The following ARB2A variants were observed in gnomAD, a reference collection of about 807,000 sequenced individuals.
ARB2A encodes the protein cotranscriptional regulator ARB2A.
chr5:93,846,427 A>G, the ARB2A span, among the ~76,000 whole-genome samples: 1 of 151,650 alleles, frequency 6.6e-6, no homozygotes, highest in South Asian at 2.1e-4. Flanking sequence ...GCTTGAGCCC[A>G]GGAATTCCAG....
At chr5:93,627,656 G>A in the ARB2A span, among the ~76,000 whole-genome samples, 1 of 152,012 alleles carries the variant, frequency 6.6e-6, no homozygotes, top group Non-Finnish European at 1.5e-5. Flanking sequence ...TGGTCAGGCT[G>A]GTCTTGAACT....
chr5:93,652,353 TA>T, the ARB2A span, among the ~76,000 whole-genome samples: 1 of 152,218 alleles, frequency 6.6e-6, no homozygotes, highest in Admixed American at 6.5e-5. Flanking sequence ...TCATTTTTAA[TA>T]ATCAGAATAA....
chr5:93,642,483 TACCTC>T, the ARB2A span, among the ~76,000 whole-genome samples: 1 of 152,144 alleles, frequency 6.6e-6, no homozygotes, highest in Non-Finnish European at 1.5e-5. Context: ...GTGATTCTCT[TACCTC>T]AGCCTCCCAA....
At chr5:93,910,565 G>A in the ARB2A span, 2 of 151,192 alleles carry the variant, frequency 1.3e-5, no homozygotes, top group African/African-American at 2.4e-5. Flanking sequence ...AGTAACAAAA[G>A]ATTTTAACAA....
At chr5:93,641,840 T>G in the ARB2A span, among the ~76,000 whole-genome samples, 1 of 152,118 alleles carries the variant, frequency 6.6e-6, no homozygotes, top group South Asian at 2.1e-4. Flanking sequence ...AAAAAGCATG[T>G]GGGATCACAT....
chr5:93,994,993 C>T, the ARB2A span, among the ~76,000 whole-genome samples: 1 of 151,792 alleles, frequency 6.6e-6, no homozygotes, highest in Admixed American at 6.6e-5. Flanking sequence ...TTATCATTTA[C>T]TACCATAAAA....
chr5:93,873,493 T>TG, the ARB2A span, among the ~76,000 whole-genome samples: 1 of 152,054 alleles, frequency 6.6e-6, no homozygotes, highest in Non-Finnish European at 1.5e-5. Flanking sequence ...AAATCTACTG[T>TG]GTTTACTAGG....
At chr5:93,734,951 T>A in the ARB2A span, 1 of 152,160 alleles carries the variant, frequency 6.6e-6, no homozygotes, top group African/African-American at 2.4e-5. Context: ...GAGACGGGGT[T>A]TCACCATGTT....
the ARB2A span, among the ~76,000 whole-genome samples, chr5:93,802,500 G>C: frequency 6.6e-6 from 1 of 151,914 alleles, no homozygotes; most frequent in Non-Finnish European, 1.5e-5. Flanking sequence ...AAAAGTACAA[G>C]GCAAGAAAAA....
the ARB2A span, among the ~76,000 whole-genome samples, chr5:93,692,928 T>G: frequency 6.6e-6 from 1 of 152,182 alleles, no homozygotes; most frequent in African/African-American, 2.4e-5. Context: ...ACATGGAAAC[T>G]GAACAACCTG....
the ARB2A span, among the ~76,000 whole-genome samples, chr5:93,724,012 C>T: frequency 2.0e-4 from 30 of 151,980 alleles, no homozygotes; most frequent in African/African-American, 5.5e-4. Context: ...AATAGCTTCA[C>T]GTATAAGAAT....
the ARB2A span, among the ~76,000 whole-genome samples, chr5:94,084,923 A>G: frequency 1.2e-4 from 18 of 152,358 alleles, no homozygotes; most frequent in South Asian, 4.1e-4. Flanking sequence ...CTCTTAGGGA[A>G]AAATACAGGA....
At chr5:93,924,723 C>T in the ARB2A span, among the ~76,000 whole-genome samples, 4 of 152,216 alleles carry the variant, frequency 2.6e-5, no homozygotes, top group South Asian at 8.3e-4. Context: ...TGTTGAATGA[C>T]TTGTTCAGTA....
chr5:93,878,895 T>C, the ARB2A span, among the ~76,000 whole-genome samples: 4 of 152,042 alleles, frequency 2.6e-5, no homozygotes, highest in South Asian at 2.1e-4. Context: ...TTTCAACAAG[T>C]AGATTTATTA....
At chr5:93,918,634 C>A in the ARB2A span, among the ~76,000 whole-genome samples, 1 of 151,922 alleles carries the variant, frequency 6.6e-6, no homozygotes, top group Non-Finnish European at 1.5e-5. Context: ...GTTGGCCAGG[C>A]TGGCTTCAAA....
At chr5:93,769,027 T>A in the ARB2A span, among the ~76,000 whole-genome samples, 1 of 152,144 alleles carries the variant, frequency 6.6e-6, no homozygotes, top group South Asian at 2.1e-4. Flanking sequence ...AAGTTAAAAT[T>A]TTAAATTTTA....
the ARB2A span, among the ~76,000 whole-genome samples, chr5:93,681,708 C>A: frequency 6.6e-6 from 1 of 151,946 alleles, no homozygotes; most frequent in African/African-American, 2.4e-5. Context: ...ATAAGTTCAC[C>A]GAGGCCAGGC....
chr5:93,740,866 G>A, the ARB2A span: 1 of 1,613,956 alleles, frequency 6.2e-7, no homozygotes, highest in Non-Finnish European at 8.5e-7. Flanking sequence ...TGTGGGCTTA[G>A]GGCACCGCTG....
chr5:93,910,284 A>G, the ARB2A span, among the ~76,000 whole-genome samples: 1 of 151,060 alleles, frequency 6.6e-6, no homozygotes, highest in Non-Finnish European at 1.5e-5. Context: ...TTATATAACT[A>G]TATGATCTTC....
Sources: allele counts gnomAD v4.1 joint callset (sites outside exome capture counted in the v4.1 genomes callset), GRCh38; gene constraint gnomAD v4.1.1; transcripts MANE v1.5; gene names NCBI Gene and HGNC (gene_info 2026-07-23, HGNC 2026-07-21).